Variants in C1orf21 observed in about 807,000 individuals in gnomAD.
C1orf21 encodes the protein chromosome 1 open reading frame 21.
A neutral mutation model predicts 18.7 loss-of-function variants in C1orf21; 3 were observed. The ratio of observed to expected loss-of-function variants is 0.16; its 90% CI spans 0.07 to 0.42. C1orf21 has a LOEUF of 0.42. Ranked by LOEUF, C1orf21 falls within the 10% of genes least tolerant of loss-of-function variation. C1orf21 has a pLI of 0.99. For synonymous variants in C1orf21, 41 were observed against 46.4 expected, an observed-to-expected ratio of 0.88 and a Z score of 0.47; for missense variants, 104 against 143.6, an observed-to-expected ratio of 0.72 and a Z score of 1.41.
chr1:184,507,315 C>G (rs969790293), intron 2 of C1orf21, among the ~76,000 whole-genome samples: 1 of 152,094 alleles, frequency 6.6e-6, no homozygotes, highest in African/African-American at 2.4e-5. Flanking sequence ...CCTGTTTCCT[C>G]TGCAGCATTT....
At chr1:184,453,243 A>G (rs1004765676) in intron 1 of C1orf21, among the ~76,000 whole-genome samples, 26 of 152,262 alleles carry the variant, frequency 1.7e-4, no homozygotes, top group African/African-American at 5.8e-4. Flanking sequence ...GGAGAATGCA[A>G]TATTAACTAG....
intron 1 of C1orf21, among the ~76,000 whole-genome samples, chr1:184,390,260 C>G (rs1396832135): frequency 1.3e-5 from 2 of 152,184 alleles, no homozygotes; most frequent in African/African-American, 2.4e-5. Flanking sequence ...GTGATTTAAA[C>G]TGTTTCATTC....
intron 1 of C1orf21, among the ~76,000 whole-genome samples, chr1:184,466,178 C>T (rs1657393844): frequency 6.6e-6 from 1 of 152,138 alleles, no homozygotes; most frequent in South Asian, 2.1e-4. Context: ...ATCGTGTAAC[C>T]GTATGTGTTC....
At chr1:184,561,326 G>T (rs1014992366) in intron 3 of C1orf21, among the ~76,000 whole-genome samples, 1 of 152,156 alleles carries the variant, frequency 6.6e-6, no homozygotes, top group Non-Finnish European at 1.5e-5. Flanking sequence ...GATACCTGCT[G>T]AACTTTGCCA....
At chr1:184,456,738 C>G (rs1359328305) in intron 1 of C1orf21, among the ~76,000 whole-genome samples, 1 of 152,194 alleles carries the variant, frequency 6.6e-6, no homozygotes, top group Admixed American at 6.5e-5. Flanking sequence ...GATAGGCACA[C>G]TTTGTAACTT....
rs1432783211 is a variant in C1orf21, at chr1:184,621,929, G to C, written c.*2373G>C. On this transcript the variant is annotated 3_prime_UTR_variant, in exon 6 of 6. Coordinates refer to ENST00000235307, the MANE Select transcript of C1orf21 (RefSeq NM_030806.4). ...ACATCCAGAAATAGATCCAAGAAATGGGGTGGTTGAGTGGGTCCGCACGAA... is the reference window on the plus strand; with the variant it reads ...ACATCCAGAAATAGATCCAAGAAATCGGGTGGTTGAGTGGGTCCGCACGAA... The C allele has an allele frequency of 6.6e-6, 1 of 152,210 alleles. No individual in the cohort carries two copies. The highest frequency in any genetic ancestry group is 1.5e-5 in the Non-Finnish European group (1 of 68,044). 9.4% of individuals were successfully genotyped at this position (152,210 alleles called of 1,614,324 possible).
intron 1 of C1orf21, among the ~76,000 whole-genome samples, chr1:184,409,967 A>G (rs1656307044): frequency 6.6e-6 from 1 of 152,244 alleles, no homozygotes; most frequent in Non-Finnish European, 1.5e-5. Flanking sequence ...GAGAAATAAA[A>G]GTGATATATT....
At chr1:184,430,529 G>A (rs1003615281) in intron 1 of C1orf21, among the ~76,000 whole-genome samples, 7 of 152,126 alleles carry the variant, frequency 4.6e-5, no homozygotes, top group African/African-American at 1.7e-4. Context: ...TTGAAAAACA[G>A]ACTTTTAAAA....
At chr1:184,471,271 AT>A (rs1557980587) in intron 1 of C1orf21, among the ~76,000 whole-genome samples, 1 of 152,188 alleles carries the variant, frequency 6.6e-6, no homozygotes, top group African/African-American at 2.4e-5. Flanking sequence ...AGCTGTGTTT[AT>A]TTTTCCAGCA....
intron 1 of C1orf21, among the ~76,000 whole-genome samples, chr1:184,390,362 G>A (rs1655952516): frequency 6.6e-6 from 1 of 152,184 alleles, no homozygotes; most frequent in Non-Finnish European, 1.5e-5. Context: ...TCCAGCAAGT[G>A]CTCTGAGCAG....
At chr1:184,544,148 C>A (rs530670758) in intron 3 of C1orf21, among the ~76,000 whole-genome samples, 4 of 152,344 alleles carry the variant, frequency 2.6e-5, no homozygotes, top group African/African-American at 9.6e-5. Context: ...TTATTAAAAT[C>A]ATTTAATGTT....
chr1:184,424,892 A>G (rs112238632), intron 1 of C1orf21, among the ~76,000 whole-genome samples: 93 of 152,290 alleles, frequency 6.1e-4, no homozygotes, highest in African/African-American at 2.2e-3. Flanking sequence ...GAAGCATAGT[A>G]TTTGCGAGCA....
intron 1 of C1orf21, among the ~76,000 whole-genome samples, chr1:184,397,542 C>T (rs983596909): frequency 7.3e-5 from 11 of 151,652 alleles, no homozygotes; most frequent in African/African-American, 1.9e-4. Context: ...GCCAAGATCG[C>T]GCTACTGCAC....
At chr1:184,525,236 A>G (rs1433387483) in intron 3 of C1orf21, among the ~76,000 whole-genome samples, 3 of 152,044 alleles carry the variant, frequency 2.0e-5, no homozygotes, top group East Asian at 1.9e-4. Flanking sequence ...TTATTCTCAT[A>G]CCATTGGTTT....
At chr1:184,389,766 T>A (rs902790090) in intron 1 of C1orf21, among the ~76,000 whole-genome samples, 3 of 152,194 alleles carry the variant, frequency 2.0e-5, no homozygotes, top group Admixed American at 1.3e-4. Flanking sequence ...TTTTTGTTTT[T>A]GTTTTTTGTT....
At chr1:184,524,297 A>G (rs1658347754) in intron 3 of C1orf21, among the ~76,000 whole-genome samples, 4 of 152,158 alleles carry the variant, frequency 2.6e-5, no homozygotes, top group African/African-American at 9.7e-5. Context: ...TTTCATTGGA[A>G]TCTAGAAAAA....
At chr1:184,537,262 T>C (rs1658571497) in intron 3 of C1orf21, among the ~76,000 whole-genome samples, 1 of 152,182 alleles carries the variant, frequency 6.6e-6, no homozygotes, top group Admixed American at 6.5e-5. Flanking sequence ...AAAACTGAAA[T>C]TCTGTACCCA....
rs117814829 is a variant in C1orf21, at chr1:184,394,399, T to C, written c.-125+7031T>C. On this transcript the variant is annotated intron_variant, in intron 1 of 5. Coordinates refer to ENST00000235307, the MANE Select transcript of C1orf21 (RefSeq NM_030806.4). ...ACCTGAACTGGGTGAGGAAAGGCGA[T>C]TGAGAAGTTGATTGTTTTCACTGAA... 7.2e-5 allele frequency among the ~76,000 whole-genome samples: 11 copies of C among 152,310 alleles called. No homozygotes were observed. In the East Asian group the frequency reaches 2.1e-3, roughly 29 times the overall value.
chr1:184,473,664 A>G (rs1163753362), intron 1 of C1orf21, among the ~76,000 whole-genome samples: 6 of 152,318 alleles, frequency 3.9e-5, no homozygotes, highest in African/African-American at 1.2e-4. Context: ...TAAAAGAGAT[A>G]CAAATCAGGG....
Sources: gnomAD v4.1 joint callset for allele counts (sites outside exome capture counted in the v4.1 genomes callset) on GRCh38, gnomAD v4.1.1 for gene constraint, MANE v1.5 for transcripts, NCBI Gene and HGNC (gene_info 2026-07-23, HGNC 2026-07-21) for gene names.